Variants in HSPA12A observed in about 807,000 individuals in gnomAD.
HSPA12A encodes the protein heat shock protein family A (Hsp70) member 12A, also known as heat shock 70 kDa protein 12A.
A neutral mutation model predicts 69.2 loss-of-function variants in HSPA12A; 28 were observed. That is an observed-to-expected ratio of 0.40 (90% CI 0.30 to 0.55). The LOEUF (loss-of-function observed/expected upper bound fraction) is 0.55, where lower values mean the gene tolerates loss of function less well. Among genes scored for constraint, HSPA12A ranks in the 20% least tolerant of loss-of-function variants. The pLI, the probability that HSPA12A is intolerant of heterozygous loss-of-function variation, is 0.38. For synonymous variants in HSPA12A, 345 were observed against 370.5 expected (o/e 0.93, Z 0.79); for missense variants, 686 against 900.7 (o/e 0.76, Z 3.05).
At chr10:116,714,118 G>A (rs1289938146) in intron 1 of HSPA12A, among the ~76,000 whole-genome samples, 1 of 151,920 alleles carries the variant, frequency 6.6e-6, no homozygotes, top group Non-Finnish European at 1.5e-5. Context: ...TTGGTAAGTG[G>A]ATAGATGGAT....
At chr10:116,724,635 T>C (rs1399234158) in intron 1 of HSPA12A, among the ~76,000 whole-genome samples, 1 of 152,200 alleles carries the variant, frequency 6.6e-6, no homozygotes, top group Non-Finnish European at 1.5e-5. Flanking sequence ...TTGGATAATA[T>C]TTCCTATAGT....
intron 2 of HSPA12A, among the ~76,000 whole-genome samples, chr10:116,822,825 C>T (rs1419549333): frequency 6.6e-6 from 1 of 152,186 alleles, no homozygotes; most frequent in Non-Finnish European, 1.5e-5. Context: ...AAATCACTCT[C>T]ACTCCTAGAC....
intron 1 of HSPA12A, among the ~76,000 whole-genome samples, chr10:116,740,343 T>C (rs10787727): frequency 0.29 from 43,482 of 152,064 alleles, 6,564 homozygotes; most frequent in Middle Eastern, 0.41. Flanking sequence ...TAGAAATAAG[T>C]GTAGGGGCCA....
In HSPA12A at chr10:116,679,540, G is replaced by C; in HGVS notation, c.1249C>G (p.Arg417Gly). The C allele has an allele frequency of 1.2e-6, 2 of 1,614,180 alleles. No homozygotes were observed. The highest frequency in any genetic ancestry group is 1.7e-6 in the Non-Finnish European group (2 of 1,180,042). ...FSFIDYYKKFRGHSVEHALRK... is the reference protein window; with the variant it reads ...FSFIDYYKKFGGHSVEHALRK... ...AAGGCGTGCTCCACACTGTGCCCGC[G>C]GAACTTCTTGTAGTAGTCAATGAAG... The change falls in exon 10 of 12, where the codon CGC becomes GGC. Residue 417 changes from arginine to glycine, a missense_variant. Physicochemically the swap from Arg to Gly is moderately radical, Grantham distance 125. Coordinates refer to ENST00000369209, the MANE Select transcript of HSPA12A (RefSeq NM_025015.3).
At chr10:116,704,526 G>T (rs1554882065) in intron 3 of HSPA12A, among the ~76,000 whole-genome samples, 1 of 151,886 alleles carries the variant, frequency 6.6e-6, no homozygotes, top group South Asian at 2.1e-4. Flanking sequence ...CGAGTTAATG[G>T]GTGCAGCACA....
intron 1 of HSPA12A, among the ~76,000 whole-genome samples, chr10:116,735,441 T>C (rs1554886360): frequency 5.9e-5 from 9 of 152,152 alleles, no homozygotes; most frequent in Admixed American, 4.6e-4. Context: ...CAAGAGGCCT[T>C]GCAGCTTCCC....
upstream of HSPA12A, among the ~76,000 whole-genome samples, chr10:116,746,314 T>C (rs1851648011): frequency 6.6e-6 from 1 of 151,920 alleles, no homozygotes; most frequent in Admixed American, 6.6e-5. Context: ...CTACCAACTG[T>C]GGAAAGGGCT....
At chr10:116,706,609 T>C (rs915060967) in intron 2 of HSPA12A, among the ~76,000 whole-genome samples, 1 of 152,162 alleles carries the variant, frequency 6.6e-6, no homozygotes, top group Non-Finnish European at 1.5e-5. Context: ...TGGCTGCCTG[T>C]GCATCTACGT....
At chr10:116,681,368 A>T in intron 8 of HSPA12A, 112 bp from the exon 9 acceptor site, 1 of 784,116 alleles carries the variant, frequency 1.3e-6, no homozygotes, top group Non-Finnish European at 2.2e-6. Flanking sequence ...ACTTCTCATT[A>T]GCACAATGGT....
At chr10:116,688,975 A>T (rs1849657135) in intron 6 of HSPA12A, among the ~76,000 whole-genome samples, 1 of 152,192 alleles carries the variant, frequency 6.6e-6, no homozygotes, top group African/African-American at 2.4e-5. Context: ...GGGTCTAAAG[A>T]TGGCTTGAGT....
At chr10:116,744,283 C>T (rs1851599055), upstream of HSPA12A, among the ~76,000 whole-genome samples, 1 of 152,224 alleles carries the variant, frequency 6.6e-6, no homozygotes. Context: ...CTAAGAACTT[C>T]TCCTTCTCAT....
chr10:116,726,330 G>A (rs1248280179), intron 1 of HSPA12A, among the ~76,000 whole-genome samples: 7 of 151,978 alleles, frequency 4.6e-5, no homozygotes, highest in African/African-American at 1.7e-4. Flanking sequence ...ACATCTCTCA[G>A]CCCATTCCTT....
chr10:116,742,576 G>C (rs529372474), upstream of HSPA12A: 5 of 1,140,134 alleles, frequency 4.4e-6, no homozygotes, highest in African/African-American at 8.2e-5. Flanking sequence ...TGAGCCGCCG[G>C]GCAGCGGGAG....
At chr10:116,679,836 C>G (rs1282309967) in intron 9 of HSPA12A, 75 bp from the exon 10 acceptor site, 15 of 1,495,756 alleles carry the variant, frequency 1.0e-5, no homozygotes, top group East Asian at 2.3e-5. Flanking sequence ...GAGAAACAGG[C>G]CCACCTGTTC....
intron 2 of HSPA12A, chr10:116,829,830 C>T (rs897143465): frequency 3.9e-5 from 6 of 152,126 alleles, no homozygotes; most frequent in African/African-American, 1.4e-4. Flanking sequence ...CTTAGCAAAC[C>T]GTCATCCAGC....
upstream of HSPA12A, among the ~76,000 whole-genome samples, chr10:116,743,353 C>T (rs1851575728): frequency 6.6e-6 from 1 of 152,352 alleles, no homozygotes; most frequent in Non-Finnish European, 1.5e-5. Flanking sequence ...CCAGGCACCC[C>T]CTGGGTCCGC....
At chr10:116,738,005 C>G (rs527751726) in intron 1 of HSPA12A, among the ~76,000 whole-genome samples, 3 of 152,338 alleles carry the variant, frequency 2.0e-5, no homozygotes, top group African/African-American at 7.2e-5. Context: ...TCATTCCCTG[C>G]CACACGCTGC....
intron 1 of HSPA12A, among the ~76,000 whole-genome samples, chr10:116,839,850 C>G (rs1030134543): frequency 7.3e-5 from 11 of 151,720 alleles, no homozygotes; most frequent in African/African-American, 2.4e-4. Context: ...AGGGTACAGA[C>G]GTGTGTGCAA....
At chr10:116,683,551 C>A (rs1056620727) in intron 7 of HSPA12A, 14 of 368,644 alleles carry the variant, frequency 3.8e-5, no homozygotes, top group African/African-American at 2.7e-4. Flanking sequence ...TAGAGAGAAG[C>A]TCCCCGCCCC....
Sources: allele counts gnomAD v4.1 joint callset (sites outside exome capture counted in the v4.1 genomes callset), GRCh38; gene constraint gnomAD v4.1.1; transcripts MANE v1.5; gene names NCBI Gene and HGNC (gene_info 2026-07-23, HGNC 2026-07-21).